The following UNC79 variants were observed in gnomAD, a reference collection of about 807,000 sequenced individuals.
UNC79 encodes the protein unc-79 subunit of NALCN channel complex.
UNC79 carries 37 observed loss-of-function variants against 283.1 expected under a neutral mutation model. The ratio of observed to expected loss-of-function variants is 0.13; its 90% confidence interval spans 0.10 to 0.17. UNC79 has a LOEUF of 0.17. Ranked by LOEUF, UNC79 falls within the 10% of genes least tolerant of loss-of-function variation. The pLI is 1.00. For synonymous variants in UNC79, 1,107 were observed against 1,200.2 expected, an observed-to-expected ratio of 0.92 and a Z score of 1.61; for missense variants, 2,272 against 3,211.1, an observed-to-expected ratio of 0.71 and a Z score of 7.07.
chr14:93,389,964 C>T lies in UNC79; in HGVS notation c.-351+56441C>T, dbSNP rs150836126. 1.9e-3 allele frequency among the ~76,000 whole-genome samples: 289 copies of T among 152,270 alleles called. 1 individual carries two copies. The highest frequency in any genetic ancestry group is 2.3e-3 in the Non-Finnish European group (156 of 68,008). On this transcript the variant is annotated intron_variant, in intron 1 of 49. Coordinates refer to the UNC79 transcript ENST00000256339. Reference sequence around the variant, plus strand: ...CCCCGTGCCCGGTGAGCACTTGTTTCATGAGGCTAGAATTCTCTTGAAACC... The same window carrying T: ...CCCCGTGCCCGGTGAGCACTTGTTTTATGAGGCTAGAATTCTCTTGAAACC...
chr14:93,682,597 T>C lies in UNC79; in HGVS notation c.6742-20T>C. 6.2e-7 allele frequency: 1 copy of C among 1,605,968 alleles called. No individual in the cohort carries two copies. Among genetic ancestry groups the C allele is most frequent in the Non-Finnish European group, 8.5e-7 (1 of 1,173,610 alleles). On this transcript the variant is annotated intron_variant, in intron 41 of 48. Transcript: ENST00000555664. Reference sequence around the variant, plus strand: ...GTCCAGATACCCTTAAAAATAATTATCCTTTCACTTTTTTATTAGTTTATT... The same window carrying C: ...GTCCAGATACCCTTAAAAATAATTACCCTTTCACTTTTTTATTAGTTTATT...
chr14:93,576,442 G>GA (rs1403680517), intron 17 of UNC79, among the ~76,000 whole-genome samples: 1 of 151,200 alleles, frequency 6.6e-6, no homozygotes, highest in African/African-American at 2.4e-5. Flanking sequence ...AATTGAAAAA[G>GA]AAAAAAAAGA....
At chr14:93,519,726 T>C (rs892493851) in intron 7 of UNC79, among the ~76,000 whole-genome samples, 64 of 151,798 alleles carry the variant, frequency 4.2e-4, no homozygotes, top group African/African-American at 1.5e-3. Context: ...CTTTAAAAAA[T>C]TGCTCTTGGG....
At chr14:93,535,421 C>G (rs2061021200) in intron 11 of UNC79, among the ~76,000 whole-genome samples, 1 of 152,208 alleles carries the variant, frequency 6.6e-6, no homozygotes, top group African/African-American at 2.4e-5. Context: ...CAGATATTAT[C>G]ATATGCAGTG....
chr14:93,585,987 AT>A (rs2064197710), intron 20 of UNC79, among the ~76,000 whole-genome samples: 1 of 150,402 alleles, frequency 6.6e-6, no homozygotes, highest in South Asian at 2.1e-4. Flanking sequence ...GGTTCAAGTG[AT>A]TCTCTTGCCG....
At chr14:93,484,176 C>T (rs1555423002) in intron 4 of UNC79, among the ~76,000 whole-genome samples, 2 of 152,206 alleles carry the variant, frequency 1.3e-5, no homozygotes, top group Admixed American at 1.3e-4. Context: ...TTCTCCACAT[C>T]CTCTCCAGCA....
chr14:93,339,050 A>G (rs2053643385), intron 1 of UNC79, among the ~76,000 whole-genome samples: 1 of 152,232 alleles, frequency 6.6e-6, no homozygotes, highest in Admixed American at 6.5e-5. Context: ...ATATTTATGG[A>G]TAGGAAAAGG....
chr14:93,648,578 C>T (rs1035430782), intron 35 of UNC79, among the ~76,000 whole-genome samples: 2 of 149,514 alleles, frequency 1.3e-5, no homozygotes, highest in East Asian at 2.0e-4. Flanking sequence ...ACTGGGTGGG[C>T]GGGTGTGGCA....
intron 9 of UNC79, 109 bp from the exon 10 acceptor site, chr14:93,529,177 C>A (rs532373559): frequency 8.4e-6 from 9 of 1,065,286 alleles, no homozygotes; most frequent in African/African-American, 4.8e-5. Flanking sequence ...CTTAATTATA[C>A]TTCCTTTCTA....
chr14:93,403,288 G>A (rs1777294323), intron 1 of UNC79, among the ~76,000 whole-genome samples: 1 of 152,222 alleles, frequency 6.6e-6, no homozygotes, highest in South Asian at 2.1e-4. Flanking sequence ...TCCTGCAGCT[G>A]TGAAGATAAG....
chr14:93,365,113 T>C (rs2054302122), intron 1 of UNC79, among the ~76,000 whole-genome samples: 1 of 151,928 alleles, frequency 6.6e-6, no homozygotes. Flanking sequence ...AGGCCAGGCA[T>C]GGTGACTCAC....
chr14:93,471,384 A>G (rs1237212513), intron 2 of UNC79, among the ~76,000 whole-genome samples: 1 of 152,180 alleles, frequency 6.6e-6, no homozygotes. Flanking sequence ...CTTGATGCTG[A>G]AAGTCAATGT....
intron 26 of UNC79, among the ~76,000 whole-genome samples, chr14:93,611,589 C>T (rs1487517812): frequency 6.6e-6 from 1 of 152,110 alleles, no homozygotes; most frequent in African/African-American, 2.4e-5. Flanking sequence ...TGGCTGTGTC[C>T]TGGAAGGCTG....
intron 18 of UNC79, 53 bp from the exon 19 acceptor site, chr14:93,580,096 C>G: frequency 6.7e-7 from 1 of 1,491,072 alleles, no homozygotes; most frequent in Non-Finnish European, 9.0e-7. Flanking sequence ...ACTCCTTCTT[C>G]TTCTTTTTTT....
At chr14:93,423,197 A>G (rs368417250) in intron 1 of UNC79, among the ~76,000 whole-genome samples, 2 of 152,168 alleles carry the variant, frequency 1.3e-5, no homozygotes, top group South Asian at 2.1e-4. Context: ...CACTGAAACT[A>G]TAAAACATTG....
Position 93,531,732 on chromosome 14 carries a change from T to C in UNC79, c.1094-818T>C, listed in dbSNP as rs906632536. Reference sequence around the variant, plus strand: ...TAATCCGATGGTGATGCTGTAAATATATCACATTAACCCAGTGTCATAGTA... The same window carrying C: ...TAATCCGATGGTGATGCTGTAAATACATCACATTAACCCAGTGTCATAGTA... On this transcript the variant is annotated intron_variant, in intron 10 of 48. Coordinates refer to ENST00000555664, the Ensembl canonical transcript of UNC79. The surrounding 1 kb of genome is among the most constrained non-coding windows in gnomAD (Gnocchi z 4.2). Among the ~76,000 whole-genome samples, 5 of 152,230 alleles carry C rather than the reference T, an allele frequency of 3.3e-5. No homozygotes were observed. Among genetic ancestry groups the C allele is most frequent in the Admixed American group, 3.3e-4 (5 of 15,280 alleles).
intron 4 of UNC79, 41 bp downstream of exon 4, chr14:93,477,769 T>C: frequency 6.4e-7 from 1 of 1,569,726 alleles, no homozygotes; most frequent in Non-Finnish European, 8.6e-7. Context: ...TTTTTATGTA[T>C]GATATGAATG....
intron 29 of UNC79, among the ~76,000 whole-genome samples, chr14:93,618,865 T>G (rs924879647): frequency 2.6e-5 from 4 of 152,264 alleles, no homozygotes; most frequent in Non-Finnish European, 2.9e-5. Context: ...ATCTCCATTA[T>G]CAACACTTTT....
At chr14:93,601,831 A>G (rs2065528399) in intron 25 of UNC79, among the ~76,000 whole-genome samples, 2 of 152,148 alleles carry the variant, frequency 1.3e-5, no homozygotes, top group Admixed American at 6.5e-5. Flanking sequence ...TGTGGTTTTA[A>G]TTTGCATTTC....
Sources: gnomAD v4.1 joint callset for allele counts (sites outside exome capture counted in the v4.1 genomes callset) on GRCh38, gnomAD v4.1.1 for gene constraint, Gnocchi (gnomAD v3.1) non-coding constraint, MANE v1.5 for transcripts, NCBI Gene and HGNC (gene_info 2026-07-23, HGNC 2026-07-21) for gene names.